The following ZNF445 variants were observed in gnomAD, a reference collection of about 807,000 sequenced individuals.
The protein encoded by ZNF445 is zinc finger protein 445.
Under a neutral mutation model 93.9 loss-of-function variants are expected in ZNF445, and 19 were observed. The ratio of observed to expected loss-of-function variants is 0.20; its 90% CI spans 0.14 to 0.30. The LOEUF is 0.30. Among genes scored for constraint, ZNF445 ranks in the 10% least tolerant of loss-of-function variants. The probability of loss-of-function intolerance (pLI) is 1.00; values close to 1 mark genes in which losing one functional copy is unlikely to be tolerated. For missense variants in ZNF445, 1,058 were observed against 1,259.4 expected (o/e 0.84, Z 2.42); for synonymous variants, 449 against 446.3 (o/e 1.01, Z -0.08).
chr3:44,457,566 A>G (rs952290499), intron 2 of ZNF445, among the ~76,000 whole-genome samples: 14 of 152,196 alleles, frequency 9.2e-5, no homozygotes, highest in African/African-American at 3.4e-4. Context: ...CTGATCTCCA[A>G]TCGATTTTTG....
At chr3:44,460,911 T>C (rs1698105325) in intron 1 of ZNF445, among the ~76,000 whole-genome samples, 1 of 152,180 alleles carries the variant, frequency 6.6e-6, no homozygotes, top group African/African-American at 2.4e-5. Flanking sequence ...GTGGCCCCCC[T>C]CCAGCGATGG....
At position 44,449,726 on chromosome 3, in the gene ZNF445, AG is replaced by A. The variant is rs1343374266; in HGVS notation, c.821-104del. 1.3e-5 allele frequency: 12 copies of A among 890,988 alleles called. No homozygotes were observed. The East Asian group carries it at 3.0e-4, about 22-fold the overall frequency. 55.2% of individuals were successfully genotyped at this position (890,988 alleles called of 1,614,324 possible). A position where few individuals can be genotyped will look rare whatever the true frequency, so the allele number is the denominator to read the frequency against. Reference sequence around the variant, plus strand: ...TCCTGGTGGGAAGGTGGGAAAGACCAGGAAGGCAGGCAGCAGAAGCTAGCGA... The same window carrying A: ...TCCTGGTGGGAAGGTGGGAAAGACCAGAAGGCAGGCAGCAGAAGCTAGCGA... On this transcript the variant is annotated intron_variant, in intron 6 of 7. Transcript: ENST00000396077.
At chr3:44,466,691 A>G (rs1273055430) in intron 1 of ZNF445, among the ~76,000 whole-genome samples, 1 of 152,142 alleles carries the variant, frequency 6.6e-6, no homozygotes, top group Non-Finnish European at 1.5e-5. Flanking sequence ...GCAGGTATAA[A>G]ATTTAACAGG....
rs1697870083 is a variant in ZNF445 at position 44,445,714 on chromosome 3, A to G, written c.*861T>C. Reference sequence around the variant, plus strand: ...AAAATCACGACTGATCTCCCAATCCAGCACTCCCTCTGCTCTTCTCTGATT... The same window carrying G: ...AAAATCACGACTGATCTCCCAATCCGGCACTCCCTCTGCTCTTCTCTGATT... On this transcript the variant is annotated 3_prime_UTR_variant, in exon 8 of 8. Coordinates refer to ENST00000396077, the MANE Select transcript of ZNF445 (RefSeq NM_181489.6). 1 of 152,348 alleles carries G rather than the reference A, an allele frequency of 6.6e-6. No individual in the cohort carries two copies. Among genetic ancestry groups the G allele is most frequent in the African/African-American group, 2.4e-5 (1 of 41,318 alleles). The allele number at this position is 152,348 out of a possible 1,614,324, so 9.4% of individuals were successfully genotyped here.
At chr3:44,472,555 C>G (rs906140988) in intron 1 of ZNF445, among the ~76,000 whole-genome samples, 1 of 152,198 alleles carries the variant, frequency 6.6e-6, no homozygotes, top group African/African-American at 2.4e-5. Context: ...ACAGAAAATT[C>G]AGGGCGAATG....
At chr3:44,466,743 T>C (rs1428079867) in intron 1 of ZNF445, among the ~76,000 whole-genome samples, 1 of 152,230 alleles carries the variant, frequency 6.6e-6, no homozygotes, top group Admixed American at 6.5e-5. Context: ...CTCTGGAGAT[T>C]GTAACATTAG....
At chr3:44,451,512 C>T in intron 3 of ZNF445, 30 bp from the exon 4 acceptor site, 1 of 1,582,924 alleles carries the variant, frequency 6.3e-7, no homozygotes, top group Non-Finnish European at 8.6e-7. Context: ...GTGAGAGGAT[C>T]TTTCTGGGAA....
chr3:44,463,986 C>A (rs1044454043), intron 1 of ZNF445, among the ~76,000 whole-genome samples: 2 of 152,056 alleles, frequency 1.3e-5, no homozygotes, highest in Non-Finnish European at 2.9e-5. Context: ...ATTAGCCAGG[C>A]GTAGTGGTGC....
At chr3:44,454,212 A>G (rs1405480657) in intron 3 of ZNF445, among the ~76,000 whole-genome samples, 2 of 151,896 alleles carry the variant, frequency 1.3e-5, no homozygotes, top group Admixed American at 6.6e-5. Context: ...AAAGAAAAGA[A>G]AAGAAAAAAA....
At position 44,443,211 on chromosome 3, in the gene ZNF445, G is replaced by C. The variant is rs1697833619; in HGVS notation, c.*3364C>G. 1.3e-5 allele frequency: 2 copies of C among 152,320 alleles called. No individual in the cohort carries two copies. The highest frequency in any genetic ancestry group is 4.1e-4 in the South Asian group (2 of 4,822). 9.4% of individuals were successfully genotyped at this position (152,320 alleles called of 1,614,324 possible). ...GGGGGGCTGGCATGGGGAAGGGACA[G>C]GAAAGCCAAATCCAACATTGATTCT... On this transcript the variant is annotated 3_prime_UTR_variant, in exon 8 of 8. Coordinates refer to ENST00000396077, the MANE Select transcript of ZNF445 (RefSeq NM_181489.6).
At chr3:44,473,732 A>T (rs1203944666) in intron 1 of ZNF445, among the ~76,000 whole-genome samples, 3 of 13,212 alleles carry the variant, frequency 2.3e-4, no homozygotes, top group Non-Finnish European at 4.4e-4. Flanking sequence ...AGGAAGGACT[A>T]AAAAAAAAAA....
At chr3:44,475,314 T>TCA (rs1698332117) in intron 1 of ZNF445, among the ~76,000 whole-genome samples, 1 of 152,024 alleles carries the variant, frequency 6.6e-6, no homozygotes, top group South Asian at 2.1e-4. Flanking sequence ...TTCTCCTGCC[T>TCA]CAGCCTCCCA....
In ZNF445 at chr3:44,445,540, G is replaced by C. The variant is rs1201750897; in HGVS notation, c.*1035C>G. ...AGCTGGCTCCCTGCACTCCATCCCA[G>C]GGGCTTCCTTCCTGAGGACACCAGT... is the stretch of plus-strand genomic sequence containing the variant. On this transcript the variant is annotated 3_prime_UTR_variant, in exon 8 of 8. Coordinates refer to ENST00000396077, the MANE Select transcript of ZNF445 (RefSeq NM_181489.6). The C allele has an allele frequency of 1.9e-4, 29 of 152,618 alleles. No individual in the cohort carries two copies. Among genetic ancestry groups the C allele is most frequent in the Admixed American group, 1.9e-3 (29 of 15,268 alleles). The allele number at this position is 152,618 out of a possible 1,614,324, so 9.5% of individuals were successfully genotyped here. A position where few individuals can be genotyped will look rare whatever the true frequency, so the allele number is the denominator to read the frequency against.
intron 3 of ZNF445, among the ~76,000 whole-genome samples, chr3:44,454,113 G>T (rs1227596281): frequency 6.6e-6 from 1 of 150,978 alleles, no homozygotes; most frequent in East Asian, 1.9e-4. Flanking sequence ...AGGAGTTTGA[G>T]ACCAGCCTGG....
At chr3:44,451,892 G>C (rs1446825192) in intron 3 of ZNF445, among the ~76,000 whole-genome samples, 1 of 152,212 alleles carries the variant, frequency 6.6e-6, no homozygotes, top group Admixed American at 6.5e-5. Flanking sequence ...TCACAGTGGA[G>C]ATACAGTCAA....
At chr3:44,462,468 T>C (rs1698130112) in intron 1 of ZNF445, among the ~76,000 whole-genome samples, 1 of 152,210 alleles carries the variant, frequency 6.6e-6, no homozygotes, top group African/African-American at 2.4e-5. Flanking sequence ...AAACCGCTCA[T>C]TGCTCTAACT....
At chr3:44,476,278 G>C (rs1294846443) in intron 1 of ZNF445, among the ~76,000 whole-genome samples, 1 of 152,038 alleles carries the variant, frequency 6.6e-6, no homozygotes, top group African/African-American at 2.4e-5. Flanking sequence ...TGGAATACTT[G>C]CCATTTTTCA....
rs1353662277 is a variant in ZNF445 at position 44,440,215 on chromosome 3, A to C, written c.*6360T>G. The C allele has an allele frequency of 6.6e-6, 1 of 152,188 alleles. No individual in the cohort carries two copies. Among genetic ancestry groups the C allele is most frequent in the Non-Finnish European group, 1.5e-5 (1 of 68,036 alleles). The allele number at this position is 152,188 out of a possible 1,614,324, so 9.4% of individuals were successfully genotyped here. A position where few individuals can be genotyped will look rare whatever the true frequency, so the allele number is the denominator to read the frequency against. On this transcript the variant is annotated 3_prime_UTR_variant, in exon 8 of 8. Coordinates refer to ENST00000396077, the MANE Select transcript of ZNF445 (RefSeq NM_181489.6). ...ACTGGTGTGGTTTCTGGCAACTAAA[A>C]CCTGGCTGATATAAAATCTCCTTGC... is the stretch of plus-strand genomic sequence containing the variant.
At chr3:44,458,447 A>G (rs1347578815) in intron 1 of ZNF445, 83 bp from the exon 2 acceptor site, 2 of 151,920 alleles carry the variant, frequency 1.3e-5, no homozygotes, top group African/African-American at 4.8e-5. Flanking sequence ...GTGATATTAT[A>G]ATATATATAT....
Sources: allele counts gnomAD v4.1 joint callset (sites outside exome capture counted in the v4.1 genomes callset), GRCh38; gene constraint gnomAD v4.1.1; transcripts MANE v1.5; gene names NCBI Gene and HGNC (gene_info 2026-07-23, HGNC 2026-07-21).